The following SLK variants were observed in gnomAD, a reference collection of about 807,000 sequenced individuals.
SLK encodes STE20 like kinase.
Under a neutral mutation model 147.7 loss-of-function variants are expected in SLK, and 67 were observed. The observed-to-expected ratio is 0.45, with a 90% confidence interval of 0.37 to 0.56. The LOEUF is 0.56. Ranked by LOEUF, SLK falls within the 20% of genes least tolerant of loss-of-function variation. The pLI, the probability that SLK is intolerant of heterozygous loss-of-function variation, is 0.00. For missense variants in SLK, 1,136 were observed against 1,438.8 expected, an observed-to-expected ratio of 0.79 and a Z score of 3.41; for synonymous variants, 441 against 475.0, an observed-to-expected ratio of 0.93 and a Z score of 0.93.
At position 104,008,243 on chromosome 10, in the gene SLK, C is replaced by A. The variant is rs753650385; in HGVS notation, c.2671C>A (p.Arg891Ser). 1 of 1,613,678 alleles carries A rather than the reference C, an allele frequency of 6.2e-7. No individual in the cohort carries two copies. Among genetic ancestry groups the A allele is most frequent in the Non-Finnish European group, 8.5e-7 (1 of 1,179,904 alleles). The change falls in exon 12 of 19, where the codon CGC (arginine) becomes AGC (serine). Residue 891 changes from arginine (R) to serine (S), a missense_variant. Transcript: ENST00000369755. ...LEKQQKQTIE[R>S]LEQEHTNRLR... is the part of the protein sequence containing the mutation. The stretch of plus-strand genomic sequence containing the variant: ...AAAACAGCAGAAACAGACTATCGAA[C>A]GCCTGGAACAAGAGCACACAAATCG...
chr10:103,976,925 T>C (rs971228472), intron 1 of SLK, among the ~76,000 whole-genome samples: 4 of 152,238 alleles, frequency 2.6e-5, no homozygotes. Flanking sequence ...ACAGCCGTTT[T>C]GGACAGGATA....
At chr10:104,020,682 C>A in intron 17 of SLK, 69 bp downstream of exon 17, 1 of 1,522,388 alleles carries the variant, frequency 6.6e-7, no homozygotes, top group Non-Finnish European at 8.9e-7. Flanking sequence ...TTTGAGAGAA[C>A]AGTAGCTAGC....
At chr10:104,006,406 G>GTTTTT (rs1426494643) in intron 11 of SLK, among the ~76,000 whole-genome samples, 1 of 152,162 alleles carries the variant, frequency 6.6e-6, no homozygotes. Flanking sequence ...TTTTAAGCCA[G>GTTTTT]TTTAGAGCAA....
intron 9 of SLK, among the ~76,000 whole-genome samples, chr10:104,005,310 A>G (rs1460164806): frequency 6.6e-6 from 1 of 152,194 alleles, no homozygotes; most frequent in African/African-American, 2.4e-5. Context: ...ATACATGAAG[A>G]TGATCAAAAT....
At chr10:104,020,662 A>G (rs1844522838) in intron 17 of SLK, 49 bp downstream of exon 17, 3 of 1,578,724 alleles carry the variant, frequency 1.9e-6, no homozygotes, top group Non-Finnish European at 2.6e-6. Context: ...CGGCAGCACA[A>G]GTGGCTGCTT....
rs200940208 is a variant in SLK at position 104,002,682 on chromosome 10, G to A, written c.1504G>A (p.Val502Ile). The change falls in exon 9 of 19, where the codon GTT becomes ATT. Residue 502 changes from valine to isoleucine, a missense_variant. Coordinates refer to ENST00000369755, the MANE Select transcript of SLK (RefSeq NM_014720.4). ...TACTATTTTGCAAACAGTAGATTTA[G>A]TTTCTCAAGAGACTGGAGAAAAAGA... ...KDTILQTVDL[V>I]SQETGEKEAN... The A allele has an allele frequency of 6.2e-7, 1 of 1,610,742 alleles. No individual in the cohort carries two copies. Among genetic ancestry groups the A allele is most frequent in the Non-Finnish European group, 8.5e-7 (1 of 1,179,150 alleles).
intron 1 of SLK, among the ~76,000 whole-genome samples, chr10:103,971,886 G>A (rs1235925536): frequency 1.3e-5 from 2 of 152,106 alleles, no homozygotes; most frequent in East Asian, 1.9e-4. Context: ...CCTCCTTTCT[G>A]TATCTAATAT....
chr10:103,992,148 T>TTTTTTTTTTTG (rs1300770902), intron 2 of SLK, among the ~76,000 whole-genome samples: 1 of 145,034 alleles, frequency 6.9e-6, no homozygotes, highest in Non-Finnish European at 1.5e-5. Context: ...TCTGTTTTTT[T>TTTTTTTTTTTG]TTTTTTTTTT....
intron 15 of SLK, 171 bp downstream of exon 15, chr10:104,019,079 T>C (rs1844501214): frequency 5.4e-6 from 3 of 559,148 alleles, no homozygotes; most frequent in Non-Finnish European, 9.1e-6. Context: ...TGATCATGAT[T>C]GCAAACTTCT....
chr10:104,025,715 T>TG lies in SLK; in HGVS notation c.3703_3704insG (p.Ser1235CysfsTer32). 6.2e-7 allele frequency: 1 copy of TG among 1,614,088 alleles called. No homozygotes were observed. Among genetic ancestry groups the TG allele is most frequent in the African/African-American group, 1.3e-5 (1 of 75,056 alleles). On this transcript the variant is annotated frameshift_variant, in exon 19 of 19. Transcript: ENST00000369755. LOFTEE classifies it high-confidence loss of function. ...TATTCCCAGCTTGCATTCCACCGGA[T>TG]CATAACAAAGGGAAGCATTCTGTGC...
chr10:103,967,655 G>C lies in SLK; in HGVS notation c.-91G>C, dbSNP rs1843732724. The C allele has an allele frequency of 8.3e-7, 1 of 1,208,544 alleles. No individual in the cohort carries two copies. The highest frequency in any genetic ancestry group is 3.2e-5 in the East Asian group (1 of 31,642). The allele number at this position is 1,208,544 out of a possible 1,614,324, so 74.9% of individuals were successfully genotyped here. A position where few individuals can be genotyped will look rare whatever the true frequency, so the allele number is the denominator to read the frequency against. Reference sequence around the variant, plus strand: ...AGGGACGCCGCGCCCGCCGCCGCCAGCCGGGCTCGCGCGGGAGAGCAGGGA... The same window carrying C: ...AGGGACGCCGCGCCCGCCGCCGCCACCCGGGCTCGCGCGGGAGAGCAGGGA... On this transcript the variant is annotated 5_prime_UTR_variant, in exon 1 of 19. Coordinates refer to ENST00000369755, the MANE Select transcript of SLK (RefSeq NM_014720.4).
At chr10:103,998,409 A>G (rs998433128) in intron 4 of SLK, among the ~76,000 whole-genome samples, 2 of 152,328 alleles carry the variant, frequency 1.3e-5, no homozygotes, top group African/African-American at 2.4e-5. Context: ...ACTGTTCTGT[A>G]TAATTTAAAT....
Position 104,003,033 on chromosome 10 carries a change from C to T in SLK, c.1855C>T (p.Gln619Ter). 6 of 1,613,728 alleles carry T rather than the reference C, an allele frequency of 3.7e-6. No individual in the cohort carries two copies. The highest frequency in any genetic ancestry group is 4.2e-6 in the Non-Finnish European group (5 of 1,179,828). The change falls in exon 9 of 19, where the codon CAA (glutamine) becomes TAA (stop). Residue 619 changes from glutamine (Q) to a stop codon, truncating the protein, a stop_gained. Coordinates refer to ENST00000369755, the MANE Select transcript of SLK (RefSeq NM_014720.4). LOFTEE classifies it high-confidence loss of function. ...NEIEEGKNKE[Q>*]AINSSENIMD... is the part of the protein sequence containing the mutation. ...AATAGAAGAAGGTAAAAATAAGGAA[C>T]AAGCAATAAACAGTTCAGAGAACAT...
intron 1 of SLK, among the ~76,000 whole-genome samples, chr10:103,989,703 C>T (rs1223154976): frequency 1.3e-5 from 2 of 152,002 alleles, no homozygotes; most frequent in African/African-American, 2.4e-5. Flanking sequence ...CTCCTGACTT[C>T]GTGATCTGCC....
intron 7 of SLK, 74 bp from the exon 8 acceptor site, chr10:104,001,370 G>A (rs1421412056): frequency 1.3e-5 from 15 of 1,178,058 alleles, no homozygotes; most frequent in Non-Finnish European, 1.9e-5. Flanking sequence ...ACATAAGAAT[G>A]TGTGTTGTGT....
intron 1 of SLK, among the ~76,000 whole-genome samples, chr10:103,981,905 A>G (rs1045898784): frequency 1.3e-5 from 2 of 152,206 alleles, no homozygotes; most frequent in Non-Finnish European, 2.9e-5. Context: ...TTGAATCTGT[A>G]GATTGCTTTG....
chr10:103,974,052 C>G (rs565114713), intron 1 of SLK, among the ~76,000 whole-genome samples: 278 of 152,148 alleles, frequency 1.8e-3, no homozygotes, highest in South Asian at 5.0e-3. Flanking sequence ...ATCCTCTGTT[C>G]GTGGTGATGT....
chr10:103,986,690 T>TTTC (rs1459426365), intron 1 of SLK, among the ~76,000 whole-genome samples: 1 of 145,586 alleles, frequency 6.9e-6, no homozygotes, highest in Non-Finnish European at 1.5e-5. Flanking sequence ...TTTTTTTTTT[T>TTTC]TTCCCTGAGA....
At chr10:104,021,789 C>T in intron 18 of SLK, 56 bp downstream of exon 18, 1 of 908,016 alleles carries the variant, frequency 1.1e-6, no homozygotes, top group Non-Finnish European at 1.8e-6. Context: ...GTCTACCCAG[C>T]TATTGGCTCT....
Sources: allele counts gnomAD v4.1 joint callset (sites outside exome capture counted in the v4.1 genomes callset), GRCh38; gene constraint gnomAD v4.1.1; transcripts MANE v1.5; gene names NCBI Gene and HGNC (gene_info 2026-07-23, HGNC 2026-07-21).